FREM2: variants seen among roughly 807,000 people sequenced by gnomAD.
The protein encoded by FREM2 is FRAS1 related extracellular matrix 2, also known as FRAS1-related extracellular matrix protein 2.
FREM2 carries 119 observed loss-of-function variants against 219.9 expected under a neutral mutation model. The observed-to-expected ratio is 0.54, with a 90% confidence interval of 0.47 to 0.63. The LOEUF is 0.63. FREM2 is among the 30% of genes least tolerant of loss of function. FREM2 has a pLI of 0.00. For missense variants in FREM2, 4,030 were observed against 3,993.6 expected (o/e 1.01, Z -0.25); for synonymous variants, 1,562 against 1,522.8 (o/e 1.03, Z -0.60).
chr13:38,803,002 T>C (rs1875080391), intron 6 of FREM2, among the ~76,000 whole-genome samples: 1 of 151,498 alleles, frequency 6.6e-6, no homozygotes, highest in Non-Finnish European at 1.5e-5. Flanking sequence ...TCCCATTGCT[T>C]CTCTGTTGAA....
At chr13:38,821,099 G>A (rs1038904523) in intron 6 of FREM2, among the ~76,000 whole-genome samples, 1 of 152,064 alleles carries the variant, frequency 6.6e-6, no homozygotes, top group African/African-American at 2.4e-5. Context: ...AGTCCTTATG[G>A]TGTCCCTATG....
chr13:38,733,579 G>A (rs186228174), intron 2 of FREM2, among the ~76,000 whole-genome samples: 244 of 152,046 alleles, frequency 1.6e-3, no homozygotes, highest in Middle Eastern at 6.8e-3. Context: ...AGAGGATCTT[G>A]GTTTTTGCAA....
intron 2 of FREM2, among the ~76,000 whole-genome samples, chr13:38,716,570 T>A (rs1447162526): frequency 6.6e-6 from 1 of 152,104 alleles, no homozygotes; most frequent in Non-Finnish European, 1.5e-5. Context: ...TGGAGTGCAG[T>A]GGCATGATCT....
In FREM2 at chr13:38,876,110, C is replaced by A. The variant is rs1159564133; in HGVS notation, c.8370C>A (p.Asn2790Lys). The change falls in exon 19 of 24, where the codon AAC becomes AAA. Residue 2790 changes from asparagine (N) to lysine (K), a missense_variant. Transcript: ENST00000280481. ...LRLIRSEPTY[N>K]QPVQQWSFVS... Reference sequence around the variant, plus strand: ...TCATAAGGAGTGAACCAACCTATAACCAGCCAGTACAGCAGTGGAGCTTTG... The same window carrying A: ...TCATAAGGAGTGAACCAACCTATAAACAGCCAGTACAGCAGTGGAGCTTTG... 3.7e-6 allele frequency: 6 copies of A among 1,614,030 alleles called. No homozygotes were observed. In the African/African-American group the frequency reaches 4.0e-5, roughly 11 times the overall value.
At chr13:38,852,514 G>A (rs948586706) in intron 11 of FREM2, among the ~76,000 whole-genome samples, 1 of 151,984 alleles carries the variant, frequency 6.6e-6, no homozygotes, top group African/African-American at 2.4e-5. Context: ...TGATAACTGT[G>A]ATAATAATCT....
chr13:38,875,963 T>A (rs1048814712), intron 18 of FREM2, 59 bp from the exon 19 acceptor site: 84 of 1,443,930 alleles, frequency 5.8e-5, no homozygotes, highest in Non-Finnish European at 8.2e-5. Flanking sequence ...CTCTAAACTG[T>A]TATGCACTCT....
Position 38,836,271 on chromosome 13 carries a change from C to G in FREM2, c.6020-10302C>G, listed in dbSNP as rs147587095. On this transcript the variant is annotated intron_variant, in intron 6 of 23. Transcript: ENST00000280481. ...ATTGATTTGCATATGTTGAACCAGC[C>G]TTGCATCCCAGGGAAGAGGCCGACT... Among the ~76,000 whole-genome samples the G allele has an allele frequency of 3.0e-4, 45 of 152,286 alleles. 1 individual carries two copies. Among genetic ancestry groups the G allele is most frequent in the African/African-American group, 9.9e-4 (41 of 41,548 alleles).
intron 1 of FREM2, among the ~76,000 whole-genome samples, chr13:38,695,820 A>G (rs111999826): frequency 6.6e-6 from 1 of 152,182 alleles, no homozygotes; most frequent in Non-Finnish European, 1.5e-5. Context: ...TACAAGTGTG[A>G]TCTACCTACT....
At chr13:38,699,196 C>A (rs1005449566) in intron 2 of FREM2, among the ~76,000 whole-genome samples, 2 of 151,976 alleles carry the variant, frequency 1.3e-5, no homozygotes, top group Non-Finnish European at 2.9e-5. Flanking sequence ...ACTGAGTAAA[C>A]CTCAATAGCA....
intron 14 of FREM2, among the ~76,000 whole-genome samples, chr13:38,860,203 G>T (rs916351642): frequency 3.9e-5 from 6 of 152,104 alleles, no homozygotes; most frequent in African/African-American, 1.4e-4. Flanking sequence ...GTAGGATTTT[G>T]CTGGGGACGG....
At chr13:38,812,564 A>T (rs1322936734) in intron 6 of FREM2, among the ~76,000 whole-genome samples, 1 of 152,102 alleles carries the variant, frequency 6.6e-6, no homozygotes, top group Non-Finnish European at 1.5e-5. Flanking sequence ...AACCAAACAA[A>T]CATGCACAAG....
At chr13:38,734,854 C>G (rs1871921131) in intron 2 of FREM2, among the ~76,000 whole-genome samples, 1 of 144,526 alleles carries the variant, frequency 6.9e-6, no homozygotes, top group African/African-American at 2.5e-5. Context: ...TTAACCGATT[C>G]TCCTGCCTCA....
chr13:38,812,319 C>T (rs1031667793), intron 6 of FREM2, among the ~76,000 whole-genome samples: 1 of 152,052 alleles, frequency 6.6e-6, no homozygotes, highest in African/African-American at 2.4e-5. Flanking sequence ...TAAGTAGGGA[C>T]TTACTCCTGC....
At chr13:38,845,313 A>G (rs1418127145) in intron 6 of FREM2, among the ~76,000 whole-genome samples, 1 of 152,206 alleles carries the variant, frequency 6.6e-6, no homozygotes, top group Non-Finnish European at 1.5e-5. Context: ...CCATTGTTGT[A>G]GAGTTTTGCT....
At chr13:38,879,061 T>A in intron 23 of FREM2, 84 bp downstream of exon 23, 2 of 1,225,156 alleles carry the variant, frequency 1.6e-6, no homozygotes, top group Non-Finnish European at 2.4e-6. Flanking sequence ...ATGTCTCATA[T>A]GTAAATAGCA....
In FREM2 at chr13:38,832,052, C is replaced by T. The variant is rs115947199; in HGVS notation, c.6020-14521C>T. 2.0e-3 allele frequency among the ~76,000 whole-genome samples: 304 copies of T among 152,170 alleles called. 3 individuals are homozygous for T. The highest frequency in any genetic ancestry group is 7.0e-3 in the African/African-American group (291 of 41,538). ...TGAGTAGGCCAGGGACAGTGGCTCA[C>T]GCCTGTAATCCTACCTGTCTTGGAG... On this transcript the variant is annotated intron_variant, in intron 6 of 23. Coordinates refer to ENST00000280481, the MANE Select transcript of FREM2 (RefSeq NM_207361.6).
chr13:38,766,868 T>C (rs997375142), intron 3 of FREM2, among the ~76,000 whole-genome samples: 1 of 152,194 alleles, frequency 6.6e-6, no homozygotes, highest in Non-Finnish European at 1.5e-5. Flanking sequence ...ATTCCCTGAC[T>C]CAACAAATAT....
chr13:38,747,716 G>C (rs1055648621), intron 2 of FREM2, among the ~76,000 whole-genome samples: 9 of 152,108 alleles, frequency 5.9e-5, no homozygotes, highest in African/African-American at 1.7e-4. Context: ...AAATTGATGA[G>C]TACAGAACTG....
chr13:38,862,948 G>A (rs1877816192), intron 15 of FREM2, among the ~76,000 whole-genome samples: 1 of 152,134 alleles, frequency 6.6e-6, no homozygotes, highest in South Asian at 2.1e-4. Context: ...AGTCAACAGA[G>A]ACCTCAGGGA....
Sources: gnomAD v4.1 joint callset for allele counts (sites outside exome capture counted in the v4.1 genomes callset) on GRCh38, gnomAD v4.1.1 for gene constraint, MANE v1.5 for transcripts, NCBI Gene and HGNC (gene_info 2026-07-23, HGNC 2026-07-21) for gene names.